DSG2: variants seen among roughly 807,000 people sequenced by gnomAD.
DSG2 encodes the protein desmoglein 2.
DSG2 carries 45 observed loss-of-function variants against 75.6 expected under a neutral mutation model. The observed-to-expected ratio is 0.60, with a 90% confidence interval of 0.47 to 0.76. The LOEUF is 0.76. Among genes scored for constraint, DSG2 ranks in the 30% least tolerant of loss-of-function variants. DSG2 has a pLI of 0.00. For synonymous variants in DSG2, 429 were observed against 483.9 expected (o/e 0.89, Z 1.49); for missense variants, 1,267 against 1,357.4 (o/e 0.93, Z 1.05).
intron 3 of DSG2, 149 bp downstream of exon 3, chr18:31,520,086 C>T: frequency 9.2e-7 from 1 of 1,090,822 alleles, no homozygotes; most frequent in Non-Finnish European, 1.3e-6. Flanking sequence ...ATTAGCAGAG[C>T]TTACTTTTTA....
At chr18:31,540,136 ACAATAAATGTAATGCACTTGAGTCATCC>A (rs1453615452) in intron 12 of DSG2, among the ~76,000 whole-genome samples, 1 of 152,182 alleles carries the variant, frequency 6.6e-6, no homozygotes, top group Non-Finnish European at 1.5e-5. Flanking sequence ...AATAAAGTAC[ACAATAAATGTAATGCACTTGAGTCATCC>A]CAAAACCAAC....
intron 1 of DSG2, among the ~76,000 whole-genome samples, chr18:31,517,606 A>G (rs2073101337): frequency 6.6e-6 from 1 of 152,190 alleles, no homozygotes; most frequent in Admixed American, 6.5e-5. Flanking sequence ...TTACAGTGCA[A>G]AATATTCAGA....
intron 1 of DSG2, among the ~76,000 whole-genome samples, chr18:31,511,365 A>C (rs956926486): frequency 6.6e-6 from 1 of 152,202 alleles, no homozygotes; most frequent in Non-Finnish European, 1.5e-5. Flanking sequence ...TCCAGACATT[A>C]CCAAATATCC....
At chr18:31,536,129 A>G in intron 10 of DSG2, 73 bp from the exon 11 acceptor site, 1 of 1,452,068 alleles carries the variant, frequency 6.9e-7, no homozygotes, top group Non-Finnish European at 9.6e-7. Flanking sequence ...CCAAATTGGC[A>G]AGGGAATTCA....
At chr18:31,517,640 C>A (rs2073101551) in intron 1 of DSG2, among the ~76,000 whole-genome samples, 1 of 151,872 alleles carries the variant, frequency 6.6e-6, no homozygotes, top group Non-Finnish European at 1.5e-5. Flanking sequence ...GTTTTTTGGG[C>A]AAATTTAAGA....
At chr18:31,498,370 C>G (rs537762282) in intron 1 of DSG2, 74 bp downstream of exon 1, 22,505 of 1,235,974 alleles carry the variant, frequency 0.018, 215 homozygotes, top group Middle Eastern at 0.049. Context: ...ACCTCGCGAC[C>G]AGACTTGCCC....
chr18:31,545,142 A>G (rs1375657111), intron 14 of DSG2, among the ~76,000 whole-genome samples: 1 of 152,124 alleles, frequency 6.6e-6, no homozygotes, highest in East Asian at 1.9e-4. Flanking sequence ...TCTCCACTCT[A>G]ATCCTGCTCC....
intron 8 of DSG2, among the ~76,000 whole-genome samples, chr18:31,526,316 A>G (rs1358343128): frequency 6.6e-6 from 1 of 150,472 alleles, no homozygotes; most frequent in Non-Finnish European, 1.5e-5. Context: ...AAAACTTAAT[A>G]TATAACAGAC....
intron 8 of DSG2, among the ~76,000 whole-genome samples, chr18:31,528,504 G>C (rs2073175947): frequency 6.6e-6 from 1 of 152,084 alleles, no homozygotes; most frequent in African/African-American, 2.4e-5. Context: ...CTGAGCTCAG[G>C]AGTTTGAGAC....
intron 1 of DSG2, among the ~76,000 whole-genome samples, chr18:31,512,763 G>GT (rs2073074163): frequency 6.6e-6 from 1 of 152,310 alleles, no homozygotes; most frequent in East Asian, 1.9e-4. Flanking sequence ...CCTTCTGAGA[G>GT]TTTTCCCACA....
In DSG2 at chr18:31,547,063, G is replaced by C. The variant is rs1461496025; in HGVS notation, c.*320G>C. On this transcript the variant is annotated 3_prime_UTR_variant, in exon 15 of 15. Transcript: ENST00000261590. ...CTTCTGAGAATTTACCAAGTGAACA[G>C]AGTACCTAGTTCATCAGCCGTCCAG... is the stretch of plus-strand genomic sequence containing the variant. 4.8e-6 allele frequency: 2 copies of C among 413,816 alleles called. No individual in the cohort carries two copies. The highest frequency in any genetic ancestry group is 5.8e-5 in the East Asian group (1 of 17,310). 25.6% of individuals were successfully genotyped at this position (413,816 alleles called of 1,614,324 possible). A position where few individuals can be genotyped will look rare whatever the true frequency, so the allele number is the denominator to read the frequency against.
At chr18:31,519,961 AAT>A (rs2073118911) in intron 3 of DSG2, 24 bp downstream of exon 3, 1 of 1,614,036 alleles carries the variant, frequency 6.2e-7, no homozygotes. Context: ...AGGAACATGA[AAT>A]ACATGCATAT....
intron 1 of DSG2, among the ~76,000 whole-genome samples, chr18:31,503,006 A>G (rs2073021779): frequency 6.6e-6 from 1 of 152,188 alleles, no homozygotes; most frequent in Non-Finnish European, 1.5e-5. Context: ...GTCATATGCA[A>G]AGCTTGGTGA....
At chr18:31,539,592 A>G (rs563124960) in intron 12 of DSG2, among the ~76,000 whole-genome samples, 1 of 152,150 alleles carries the variant, frequency 6.6e-6, no homozygotes, top group African/African-American at 2.4e-5. Flanking sequence ...GTTTCCTTTT[A>G]TAAAAGAACA....
chr18:31,545,813 T>G lies in DSG2; in HGVS notation c.2427T>G (p.Ala809=). The G allele has an allele frequency of 6.2e-7, 1 of 1,614,222 alleles. No individual in the cohort carries two copies. The highest frequency in any genetic ancestry group is 8.5e-7 in the Non-Finnish European group (1 of 1,180,038). ...AGGAAGAAACTGAATCGCTGAATGC[T>G]TCTATTGGTTGTTGCAGTTTTATTG... The part of the protein sequence containing the change: ...YSQEETESLN[A]SIGCCSFIEG... The change falls in exon 15 of 15, where the codon GCT becomes GCG. Residue 809 remains alanine (A), a synonymous_variant. Transcript: ENST00000261590.
intron 12 of DSG2, among the ~76,000 whole-genome samples, chr18:31,539,855 G>A (rs530138423): frequency 1.3e-4 from 20 of 152,248 alleles, no homozygotes; most frequent in African/African-American, 4.3e-4. Flanking sequence ...CCCATCACTC[G>A]TGTTACCACC....
chr18:31,535,736 A>G (rs997326162), intron 10 of DSG2, among the ~76,000 whole-genome samples: 1 of 151,456 alleles, frequency 6.6e-6, no homozygotes, highest in Non-Finnish European at 1.5e-5. Flanking sequence ...AGAGGAGCGG[A>G]GATCGCGCCA....
At chr18:31,534,850 T>C (rs190828505) in intron 9 of DSG2, among the ~76,000 whole-genome samples, 3 of 152,292 alleles carry the variant, frequency 2.0e-5, no homozygotes, top group African/African-American at 7.2e-5. Flanking sequence ...TTGTAAATGT[T>C]GCTAACGCCC....
rs2073320475 is a variant in DSG2 at position 31,547,325 on chromosome 18, GTTTC to G, written c.*584_*587del. 1 of 191,998 alleles carries G rather than the reference GTTTC, an allele frequency of 5.2e-6. No individual in the cohort carries two copies. Among genetic ancestry groups the G allele is most frequent in the Non-Finnish European group, 1.1e-5 (1 of 92,682 alleles). The allele number at this position is 191,998 out of a possible 1,614,324, so 11.9% of individuals were successfully genotyped here. ...TTGATGATAAGAATACACATTGTAT[GTTTC>G]TGTGCACATGACAGTGTGTGTGTGT... is the stretch of plus-strand genomic sequence containing the variant. On this transcript the variant is annotated 3_prime_UTR_variant, in exon 15 of 15. Transcript: ENST00000261590.
Sources: allele counts gnomAD v4.1 joint callset (sites outside exome capture counted in the v4.1 genomes callset), GRCh38; gene constraint gnomAD v4.1.1; transcripts MANE v1.5; gene names NCBI Gene and HGNC (gene_info 2026-07-23, HGNC 2026-07-21).